Variants in WDPCP observed in about 807,000 individuals in gnomAD.
WDPCP encodes the protein WD repeat-containing and planar cell polarity effector protein fritz homolog.
WDPCP carries 71 observed loss-of-function variants against 93.1 expected under a neutral mutation model. That is an observed-to-expected ratio of 0.76 (90% confidence interval 0.63 to 0.93). The LOEUF is 0.93. Ranked by LOEUF, WDPCP falls within the 40% of genes least tolerant of loss-of-function variation. WDPCP has a pLI of 0.00. For missense variants in WDPCP, 844 were observed against 887.4 expected (o/e 0.95, Z 0.62); for synonymous variants, 315 against 315.0 (o/e 1.00, Z 0.00).
intron 6 of WDPCP, among the ~76,000 whole-genome samples, chr2:63,448,575 C>T (rs1698019388): frequency 6.6e-6 from 1 of 151,944 alleles, no homozygotes. Context: ...AAATTGTTAC[C>T]ATTATGTTTT....
chr2:63,363,468 T>C (rs2104689944), intron 12 of WDPCP, among the ~76,000 whole-genome samples: 1 of 152,070 alleles, frequency 6.6e-6, no homozygotes, highest in Non-Finnish European at 1.5e-5. Flanking sequence ...TGTGATGGGG[T>C]GAGCCTATAG....
At chr2:63,824,384 CA>C (rs67700613) in intron 1 of WDPCP, among the ~76,000 whole-genome samples, 134,604 of 144,340 alleles carry the variant, frequency 0.93, 62,823 homozygotes, top group East Asian at 1. Context: ...CCTATCTCTA[CA>C]AAAAAAAAAA....
intron 17 of WDPCP, among the ~76,000 whole-genome samples, chr2:63,138,904 T>C (rs551194918): frequency 6.6e-6 from 1 of 152,208 alleles, no homozygotes; most frequent in East Asian, 1.9e-4. Flanking sequence ...TCTTATACCT[T>C]TGTGTCCTCA....
At chr2:63,211,757 T>G (rs1051163770) in intron 14 of WDPCP, among the ~76,000 whole-genome samples, 4 of 152,048 alleles carry the variant, frequency 2.6e-5, no homozygotes, top group African/African-American at 9.7e-5. Context: ...GAATCAACAG[T>G]GTAGAGAAGA....
chr2:63,215,403 C>G (rs997034498), intron 14 of WDPCP, among the ~76,000 whole-genome samples: 4 of 152,104 alleles, frequency 2.6e-5, no homozygotes, highest in Non-Finnish European at 4.4e-5. Context: ...GAAATAATAC[C>G]GCATATCTGC....
At chr2:63,475,199 T>C (rs1558684026) in intron 6 of WDPCP, among the ~76,000 whole-genome samples, 1 of 152,152 alleles carries the variant, frequency 6.6e-6, no homozygotes, top group African/African-American at 2.4e-5. Flanking sequence ...GGAAATCAAA[T>C]ACACATCTAT....
chr2:63,121,597 TG>T lies in WDPCP; in HGVS notation c.*408del. 1 of 174,442 alleles carries T rather than the reference TG, an allele frequency of 5.7e-6. No homozygotes were observed. The highest frequency in any genetic ancestry group is 1.2e-5 in the Non-Finnish European group (1 of 82,230). 10.8% of individuals were successfully genotyped at this position (174,442 alleles called of 1,614,324 possible). The stretch of plus-strand genomic sequence containing the variant: ...GTTGCACAGGCTAGTCTTGAACTCC[TG>T]GGCTCAAGTGATCCTTCAGCCTTGG... On this transcript the variant is annotated 3_prime_UTR_variant, in exon 18 of 18. Coordinates refer to ENST00000272321, the MANE Select transcript of WDPCP (RefSeq NM_015910.7).
intron 1 of WDPCP, among the ~76,000 whole-genome samples, chr2:63,539,308 A>G (rs907443006): frequency 2.0e-5 from 3 of 152,206 alleles, no homozygotes; most frequent in African/African-American, 7.2e-5. Context: ...TACAGATATT[A>G]CAAGGTGAAA....
chr2:63,566,924 T>C (rs1707110508), intron 1 of WDPCP, among the ~76,000 whole-genome samples: 1 of 152,130 alleles, frequency 6.6e-6, no homozygotes, highest in Non-Finnish European at 1.5e-5. Flanking sequence ...CTGTTACCAG[T>C]TTATCATAAA....
At chr2:63,664,464 T>C (rs1161419875) in intron 2 of WDPCP, among the ~76,000 whole-genome samples, 2 of 152,226 alleles carry the variant, frequency 1.3e-5, no homozygotes, top group Admixed American at 6.5e-5. Flanking sequence ...CTGGAGGTGC[T>C]GCTTCCATCC....
intron 2 of WDPCP, among the ~76,000 whole-genome samples, chr2:63,763,321 T>G (rs1019540826): frequency 1.3e-5 from 2 of 151,982 alleles, no homozygotes; most frequent in Non-Finnish European, 2.9e-5. Flanking sequence ...CTGGCCGATA[T>G]AGTGAAACCC....
At chr2:63,231,736 A>G (rs1389704930) in intron 14 of WDPCP, among the ~76,000 whole-genome samples, 1 of 152,152 alleles carries the variant, frequency 6.6e-6, no homozygotes, top group African/African-American at 2.4e-5. Context: ...AATCAATATC[A>G]TGAAAATGGC....
chr2:63,507,711 TA>T (rs1484429217), intron 1 of WDPCP, among the ~76,000 whole-genome samples: 1 of 151,794 alleles, frequency 6.6e-6, no homozygotes, highest in African/African-American at 2.4e-5. Context: ...AATTGCTAAC[TA>T]GAATAACCAG....
At chr2:63,289,025 A>G (rs1189602857) in intron 13 of WDPCP, among the ~76,000 whole-genome samples, 2 of 152,064 alleles carry the variant, frequency 1.3e-5, no homozygotes, top group African/African-American at 2.4e-5. Context: ...TATTTCTTCC[A>G]TTATTGACGA....
chr2:63,322,816 A>G (rs1054297428), intron 12 of WDPCP, among the ~76,000 whole-genome samples: 8 of 151,926 alleles, frequency 5.3e-5, no homozygotes, highest in African/African-American at 9.7e-5. Flanking sequence ...ACTATCGCCT[A>G]TTGCCAAGTG....
chr2:63,674,825 G>C (rs564767675), intron 2 of WDPCP, among the ~76,000 whole-genome samples: 1 of 152,052 alleles, frequency 6.6e-6, no homozygotes, highest in African/African-American at 2.4e-5. Flanking sequence ...ACTCAATCTT[G>C]CCTCATATTT....
chr2:63,796,673 A>G (rs4399712), intron 2 of WDPCP, among the ~76,000 whole-genome samples: 32,864 of 152,220 alleles, frequency 0.22, 4,798 homozygotes, highest in East Asian at 0.74. Flanking sequence ...CCCCAGCCAG[A>G]GGAGAGCAGC....
intron 9 of WDPCP, among the ~76,000 whole-genome samples, chr2:63,424,451 C>T (rs933094267): frequency 6.6e-6 from 1 of 152,196 alleles, no homozygotes; most frequent in Non-Finnish European, 1.5e-5. Flanking sequence ...ACCAGCCCCT[C>T]CCAAGGCCCC....
At chr2:63,360,000 A>T (rs905101747) in intron 12 of WDPCP, 1 of 152,292 alleles carries the variant, frequency 6.6e-6, no homozygotes, top group African/African-American at 2.4e-5. Flanking sequence ...GAATCGCTTG[A>T]ACCCAGGAGA....
Sources: allele counts gnomAD v4.1 joint callset (sites outside exome capture counted in the v4.1 genomes callset), GRCh38; gene constraint gnomAD v4.1.1; transcripts MANE v1.5; gene names NCBI Gene and HGNC (gene_info 2026-07-23, HGNC 2026-07-21).